Variants in LRRC51 observed in about 807,000 individuals in gnomAD.
LRRC51 encodes leucine-rich repeat-containing protein 51.
In LRRC51, 8 loss-of-function variants were observed where a neutral mutation model predicts 17.8. The observed-to-expected ratio is 0.45, with a 90% CI of 0.26 to 0.81. LRRC51 has a LOEUF of 0.81. Among genes scored for constraint, LRRC51 ranks in the 30% least tolerant of loss-of-function variants. The pLI is 0.17. For synonymous variants in LRRC51, 92 were observed against 96.0 expected, an observed-to-expected ratio of 0.96 and a Z score of 0.24; for missense variants, 233 against 239.3, an observed-to-expected ratio of 0.97 and a Z score of 0.17.
rs1945237201 is a variant in LRRC51 at position 72,096,833 on chromosome 11, T to C, written c.*1313T>C. ...CAATCAGATCAAAGTAATTCCATTC[T>C]GTTTTATATGCTGGGATTCTGCTTA... On this transcript the variant is annotated 3_prime_UTR_variant, in exon 6 of 6. Transcript: ENST00000289488. 7.8e-7 allele frequency: 1 copy of C among 1,277,630 alleles called. No homozygotes were observed. The highest frequency in any genetic ancestry group is 3.9e-5 in the Admixed American group (1 of 25,624). 79.1% of individuals were successfully genotyped at this position (1,277,630 alleles called of 1,614,324 possible).
At chr11:72,093,850 T>C (rs1300317398) in intron 4 of LRRC51, 149 bp downstream of exon 4, 2 of 796,822 alleles carry the variant, frequency 2.5e-6, no homozygotes, top group Admixed American at 2.0e-5. Context: ...GACAGATAGA[T>C]GTAGGTTCAA....
intron 4 of LRRC51, 106 bp from the exon 5 acceptor site, chr11:72,094,842 G>GC: frequency 1.1e-5 from 18 of 1,609,290 alleles, no homozygotes; most frequent in Non-Finnish European, 1.4e-5. Flanking sequence ...GGAGTGGAGG[G>GC]CAGGTTGTTC....
At position 72,093,651 on chromosome 11, in the gene LRRC51, AACCTGGCCTGGATCG is replaced by A. The variant is rs1171945372; in HGVS notation, c.244_258del (p.Ala82_Leu86del). ...TTCACAGCTGTTGGAGCACCCAGAG[AACCTGGCCTGGATCG>A]ACCTGTCCTTTAATGACCTGACTTC... On this transcript the variant is annotated inframe_deletion, in exon 4 of 6. Coordinates refer to ENST00000289488, the MANE Select transcript of LRRC51 (RefSeq NM_145309.6). The A allele has an allele frequency of 1.4e-5, 22 of 1,613,890 alleles. No individual in the cohort carries two copies. The highest frequency in any genetic ancestry group is 1.9e-5 in the Non-Finnish European group (22 of 1,179,828).
chr11:72,090,746 T>C (rs1591150405), intron 3 of LRRC51, among the ~76,000 whole-genome samples: 1 of 152,294 alleles, frequency 6.6e-6, no homozygotes, highest in East Asian at 1.9e-4. Flanking sequence ...TCAACCCAGT[T>C]CCTCTAACTT....
At position 72,084,976 on chromosome 11, in the gene LRRC51, T is replaced by C. The variant is rs565627726; in HGVS notation, c.-139-3321T>C. ...AATGGAGATTCAAACTTTGAGTTTC[T>C]ATTTGATGTACTTCTTGTCATTTCA... On this transcript the variant is annotated intron_variant, in intron 1 of 5. Coordinates refer to ENST00000289488, the MANE Select transcript of LRRC51 (RefSeq NM_145309.6). Among the ~76,000 whole-genome samples, 4 of 152,230 alleles carry C rather than the reference T, an allele frequency of 2.6e-5. No homozygotes were observed. The East Asian group carries it at 7.7e-4, about 29-fold the overall frequency.
At position 72,096,009 on chromosome 11, in the gene LRRC51, ATTTTT is replaced by A. The variant is rs201554370; in HGVS notation, c.*496_*500del. 1 of 129,458 alleles carries A rather than the reference ATTTTT, an allele frequency of 7.7e-6. No homozygotes were observed. Among genetic ancestry groups the A allele is most frequent in the African/African-American group, 3.2e-5 (1 of 31,290 alleles). 8.0% of individuals were successfully genotyped at this position (129,458 alleles called of 1,614,324 possible). A position where few individuals can be genotyped will look rare whatever the true frequency, so the allele number is the denominator to read the frequency against. ...AGGCGCCTGCTACCACATCCAGCTA[ATTTTT>A]TTTTTTGAGACGGAGTCTCGCTCTG... On this transcript the variant is annotated 3_prime_UTR_variant, in exon 6 of 6. Coordinates refer to ENST00000289488, the MANE Select transcript of LRRC51 (RefSeq NM_145309.6).
chr11:72,085,246 G>C (rs1380220297), intron 1 of LRRC51, among the ~76,000 whole-genome samples: 1 of 152,194 alleles, frequency 6.6e-6, no homozygotes, highest in African/African-American at 2.4e-5. Flanking sequence ...AAGCATGGCA[G>C]CATCAACACT....
At chr11:72,095,132 G>T in intron 5 of LRRC51, 36 bp downstream of exon 5, 1 of 1,609,350 alleles carries the variant, frequency 6.2e-7, no homozygotes, top group African/African-American at 1.3e-5. Context: ...CGTCTAGCTG[G>T]GCTCCCCTAA....
chr11:72,090,847 C>G (rs1236459362), intron 3 of LRRC51, among the ~76,000 whole-genome samples: 2 of 152,162 alleles, frequency 1.3e-5, no homozygotes, highest in Non-Finnish European at 2.9e-5. Context: ...CAGGGAAGTT[C>G]AATCAAACTA....
At chr11:72,091,825 A>T (rs898744594) in intron 3 of LRRC51, among the ~76,000 whole-genome samples, 2 of 152,126 alleles carry the variant, frequency 1.3e-5, no homozygotes, top group Non-Finnish European at 2.9e-5. Flanking sequence ...GGCTCAAGCA[A>T]TCCTCCTGTC....
chr11:72,091,806 A>T (rs1332676263), intron 3 of LRRC51, among the ~76,000 whole-genome samples: 1 of 152,130 alleles, frequency 6.6e-6, no homozygotes, highest in Non-Finnish European at 1.5e-5. Context: ...GGCTGGTCTC[A>T]AACGCCTAGG....
At chr11:72,087,032 C>T (rs1318017455) in intron 1 of LRRC51, among the ~76,000 whole-genome samples, 1 of 152,112 alleles carries the variant, frequency 6.6e-6, no homozygotes, top group African/African-American at 2.4e-5. Context: ...CTAAAAGATT[C>T]AAGTCTCCCT....
intron 1 of LRRC51, among the ~76,000 whole-genome samples, chr11:72,087,709 T>C (rs1313649367): frequency 6.6e-6 from 1 of 152,218 alleles, no homozygotes; most frequent in East Asian, 1.9e-4. Context: ...ATTTGACAGG[T>C]AGGCTAGTCC....
rs1040817051 is a variant in LRRC51 at position 72,093,545 on chromosome 11, A to G, written c.132A>G (p.Ser44=). ...PRTGLRPLKR[S]KSGKSLTQSL... is the part of the protein sequence containing the mutation. The stretch of plus-strand genomic sequence containing the variant: ...CAGGACTACGACCACTGAAGCGTTC[A>G]AAGTCGGGGAAATCACTGACCCAGT... The change falls in exon 4 of 6, where the codon TCA becomes TCG. Residue 44 remains serine (S), a synonymous_variant. Coordinates refer to ENST00000289488, the MANE Select transcript of LRRC51 (RefSeq NM_145309.6). The G allele has an allele frequency of 3.1e-6, 5 of 1,614,078 alleles. No homozygotes were observed. The highest frequency in any genetic ancestry group is 3.3e-5 in the Admixed American group (2 of 60,006).
At chr11:72,095,194 TG>T in intron 5 of LRRC51, 98 bp downstream of exon 5, 2 of 1,567,254 alleles carry the variant, frequency 1.3e-6, no homozygotes, top group South Asian at 2.4e-5. Context: ...CTGCCATGCT[TG>T]GACCTGGGAA....
intron 1 of LRRC51, among the ~76,000 whole-genome samples, chr11:72,083,279 T>C (rs573420178): frequency 6.6e-6 from 1 of 152,212 alleles, no homozygotes; most frequent in East Asian, 1.9e-4. Context: ...ACCTTTAAGG[T>C]CTTCAAAATT....
At chr11:72,093,852 T>A in intron 4 of LRRC51, 151 bp downstream of exon 4, 1 of 785,786 alleles carries the variant, frequency 1.3e-6, no homozygotes, top group Non-Finnish European at 2.2e-6. Flanking sequence ...CAGATAGATG[T>A]AGGTTCAAAT....
chr11:72,086,361 C>T (rs1174528681), intron 1 of LRRC51: 2 of 699,944 alleles, frequency 2.9e-6, no homozygotes, highest in African/African-American at 1.8e-5. Context: ...TGGTCAGGCA[C>T]AGAGCAGCAA....
At chr11:72,083,560 G>A (rs1270536633) in intron 1 of LRRC51, among the ~76,000 whole-genome samples, 1 of 152,058 alleles carries the variant, frequency 6.6e-6, no homozygotes, top group East Asian at 1.9e-4. Context: ...GGCACTATGA[G>A]ATACAACTGT....
Sources: gnomAD v4.1 joint callset for allele counts (sites outside exome capture counted in the v4.1 genomes callset) on GRCh38, gnomAD v4.1.1 for gene constraint, MANE v1.5 for transcripts, NCBI Gene and HGNC (gene_info 2026-07-23, HGNC 2026-07-21) for gene names.